SCARF2: variants seen among roughly 807,000 people sequenced by gnomAD.
The protein encoded by SCARF2 is scavenger receptor class F member 2.
In SCARF2, 39 loss-of-function variants were observed where a neutral mutation model predicts 73.4. That is an observed-to-expected ratio of 0.53 (90% CI 0.41 to 0.69). The LOEUF (loss-of-function observed/expected upper bound fraction) is 0.69. Ranked by LOEUF, SCARF2 falls within the 30% of genes least tolerant of loss-of-function variation. The pLI, the probability that SCARF2 is intolerant of heterozygous loss-of-function variation, is 0.00. For missense variants in SCARF2, 1,148 were observed against 1,303.5 expected (o/e 0.88, Z 1.84); for synonymous variants, 605 against 590.0 (o/e 1.03, Z -0.37).
Position 20,431,518 on chromosome 22 carries a change from C to T in SCARF2, c.354G>A (p.Trp118Ter). Residue 118 changes from tryptophan to a stop codon, truncating the protein, a stop_gained, in exon 4 of 11, where the codon TGG becomes TGA. Transcript: ENST00000622235. LOFTEE classifies it high-confidence loss of function. ...TACACAGCTCCTTGCAGTCGGGGCC[C>T]CAGAACTGGCGCGGGCACTCTGCAG... ...NCDTKCPRQF[W>*]GPDCKELCSC... 3 of 1,576,678 alleles carry T rather than the reference C, an allele frequency of 1.9e-6. No homozygotes were observed. The highest frequency in any genetic ancestry group is 2.6e-6 in the Non-Finnish European group (3 of 1,169,682).
rs2052644188 is a variant in SCARF2, at chr22:20,431,349, C to T, written c.523G>A (p.Gly175Ser). The T allele has an allele frequency of 1.3e-6, 2 of 1,511,640 alleles. No individual in the cohort carries two copies. The highest frequency in any genetic ancestry group is 4.2e-5 in the Admixed American group (2 of 47,816). 93.6% of individuals were successfully genotyped at this position (1,511,640 alleles called of 1,614,324 possible). Residue 175 changes from glycine (G) to serine (S), a missense_variant, in exon 4 of 11, where the codon GGC (glycine) becomes AGC (serine). By Grantham distance (56) the Gly-to-Ser change is moderately conservative. Coordinates refer to ENST00000622235, the MANE Select transcript of SCARF2 (RefSeq NM_182895.5). ...PRSGACRCEP[G>S]WWGAQCASAC... is the part of the protein sequence containing the mutation. ...CTGGCGCACTGCGCGCCCCACCAGCCGGGCTCACAGCGGCACGCGCCGCTC... is the reference window on the plus strand; with the variant it reads ...CTGGCGCACTGCGCGCCCCACCAGCTGGGCTCACAGCGGCACGCGCCGCTC...
At position 20,437,676 on chromosome 22, in the gene SCARF2, A is replaced by G; in HGVS notation, c.79T>C (p.Ser27Pro). Residue 27 changes from serine (S) to proline (P), a missense_variant, in exon 1 of 11, where the codon TCG becomes CCG. Ser to Pro is a moderately conservative substitution (Grantham distance 74). Coordinates refer to ENST00000622235, the MANE Select transcript of SCARF2 (RefSeq NM_182895.5). The stretch of plus-strand genomic sequence containing the variant: ...CAGAGCAGCAGCAGCAGCAGCAGCG[A>G]CGGCAGCAGCGGTGACGGCGGCCCC... ...AGGPPSPLLP[S>P]LLLLLLLWML... 2 of 1,503,028 alleles carry G rather than the reference A, an allele frequency of 1.3e-6. No homozygotes were observed. The highest frequency in any genetic ancestry group is 1.2e-5 in the South Asian group (1 of 80,892). The allele number at this position is 1,503,028 out of a possible 1,614,324, so 93.1% of individuals were successfully genotyped here. A position where few individuals can be genotyped will look rare whatever the true frequency, so the allele number is the denominator to read the frequency against.
At chr22:20,428,437 TG>T (rs2052604898) in intron 9 of SCARF2, among the ~76,000 whole-genome samples, 1 of 152,080 alleles carries the variant, frequency 6.6e-6, no homozygotes, top group African/African-American at 2.4e-5. Context: ...CCAGAGTAGC[TG>T]GGATTATAGG....
chr22:20,432,716 T>A (rs1416723154), intron 1 of SCARF2, among the ~76,000 whole-genome samples: 1 of 152,214 alleles, frequency 6.6e-6, no homozygotes, highest in Non-Finnish European at 1.5e-5. Context: ...AGCATCTGTT[T>A]ATGCCTTTGT....
rs2052613636 is a variant in SCARF2, at chr22:20,429,276, T to C, written c.1489A>G (p.Met497Val). 1.9e-6 allele frequency: 3 copies of C among 1,612,476 alleles called. No individual in the cohort carries two copies. In the South Asian group the frequency reaches 3.3e-5, roughly 18 times the overall value. The part of the protein sequence containing the change: ...RLCGRFSRIS[M>V]KLPRIPLRRQ... Reference sequence around the variant, plus strand: ...CGGAGCGGGATCCGGGGCAGCTTCATGCTGATGCGACTGAAGCGCCCGCAT... The same window carrying C: ...CGGAGCGGGATCCGGGGCAGCTTCACGCTGATGCGACTGAAGCGCCCGCAT... The change falls in exon 9 of 11, where the codon ATG becomes GTG. Residue 497 changes from methionine to valine, a missense_variant. Physicochemically the swap from Met to Val is conservative, Grantham distance 21. Transcript: ENST00000622235. The surrounding 1 kb of genome is among the most constrained non-coding windows in gnomAD (Gnocchi z 5.2).
At position 20,431,791 on chromosome 22, in the gene SCARF2, G is replaced by T. The variant is rs780208261; in HGVS notation, c.288C>A (p.Gly96=). 1.9e-6 allele frequency: 3 copies of T among 1,594,574 alleles called. No homozygotes were observed. The Admixed American group carries it at 5.2e-5, about 28-fold the overall frequency. ...AGTAGCCGTGGCGGCAGCGGCACTC[G>T]CCAGGCCTCACGCACACCTCGTTCT... is the stretch of plus-strand genomic sequence containing the variant. The part of the protein sequence containing the change: ...CSENEVCVRP[G]ECRCRHGYFG... Residue 96 remains glycine (G), a synonymous_variant, in exon 3 of 11, where the codon GGC becomes GGA. Coordinates refer to ENST00000622235, the MANE Select transcript of SCARF2 (RefSeq NM_182895.5).
In SCARF2 at chr22:20,431,739, G is replaced by A. The variant is rs1346735087; in HGVS notation, c.334+6C>T. 2.1e-6 allele frequency: 3 copies of A among 1,412,260 alleles called. No homozygotes were observed. Among genetic ancestry groups the A allele is most frequent in the Non-Finnish European group, 2.8e-6 (3 of 1,062,596 alleles). The allele number at this position is 1,412,260 out of a possible 1,614,324, so 87.5% of individuals were successfully genotyped here. On this transcript the variant is annotated splice_donor_region_variant and intron_variant, in intron 3 of 10. Transcript: ENST00000622235. ...CCGACCAATACCGGCCCGACCCCAC[G>A]CTCACTGGTGTCGCAGTTGGCACCG...
In SCARF2 at chr22:20,431,652, G is replaced by A. The variant is rs1052996718; in HGVS notation, c.334+93C>T. The A allele has an allele frequency of 1.0e-5, 16 of 1,536,462 alleles. No individual in the cohort carries two copies. The African/African-American group carries it at 2.2e-4, about 21-fold the overall frequency. The stretch of plus-strand genomic sequence containing the variant: ...GCCGCCACCTCTGGGGACCCGCCCC[G>A]AAGGCGGATCCGACCCCGCCCCACC... On this transcript the variant is annotated intron_variant, in intron 3 of 10. Transcript: ENST00000622235.
chr22:20,436,637 G>A (rs1362772851), intron 1 of SCARF2, among the ~76,000 whole-genome samples: 2 of 152,118 alleles, frequency 1.3e-5, no homozygotes, highest in African/African-American at 4.8e-5. Context: ...GCCCCGACGC[G>A]ACCCAGCTCG....
rs1248196411 is a variant in SCARF2 at position 20,425,334 on chromosome 22, T to C, written c.*41A>G. 4 of 1,341,496 alleles carry C rather than the reference T, an allele frequency of 3.0e-6. No homozygotes were observed. Among genetic ancestry groups the C allele is most frequent in the Non-Finnish European group, 3.8e-6 (4 of 1,039,602 alleles). The allele number at this position is 1,341,496 out of a possible 1,614,324, so 83.1% of individuals were successfully genotyped here. A position where few individuals can be genotyped will look rare whatever the true frequency, so the allele number is the denominator to read the frequency against. On this transcript the variant is annotated 3_prime_UTR_variant, in exon 11 of 11. Transcript: ENST00000622235. This position sits in a 1 kb window ranked among gnomAD's most constrained non-coding sequence, Gnocchi z 4.6. ...GGAGGTGTGGGGTGGCGGGCGGCGC[T>C]GCGAAGCTGAGGGAGCTGCGCGCGG...
chr22:20,431,361 G>C lies in SCARF2; in HGVS notation c.511C>G (p.Arg171Gly), dbSNP rs771262530. The change falls in exon 4 of 11, where the codon CGC becomes GGC. Residue 171 changes from arginine (R) to glycine (G), a missense_variant. Physicochemically the swap from Arg to Gly is moderately radical, Grantham distance 125. Transcript: ENST00000622235. ...GCGCCCCACCAGCCGGGCTCACAGC[G>C]GCACGCGCCGCTCCGCGGGTGGCAC... ...GTCHPRSGAC[R>G]CEPGWWGAQC... The C allele has an allele frequency of 5.3e-6, 8 of 1,516,580 alleles. No homozygotes were observed. Among genetic ancestry groups the C allele is most frequent in the Admixed American group, 2.0e-5 (1 of 48,814 alleles). 93.9% of individuals were successfully genotyped at this position (1,516,580 alleles called of 1,614,324 possible).
chr22:20,425,960 G>C lies in SCARF2; in HGVS notation c.2016C>G (p.His672Gln), dbSNP rs763225303. Residue 672 changes from histidine to glutamine, a missense_variant, in exon 11 of 11, where the codon CAC (histidine) becomes CAG (glutamine). Physicochemically the swap from His to Gln is conservative, Grantham distance 24. Around this residue, in one of 5 missense-constraint regions of SCARF2, gnomAD observed 437 missense variants for 433.6 expected, o/e 1.01. Coordinates refer to ENST00000622235, the MANE Select transcript of SCARF2 (RefSeq NM_182895.5). This position sits in a 1 kb window ranked among gnomAD's most constrained non-coding sequence, Gnocchi z 4.6. ...GCGCACGGCCAGCTGCAGCGGCGCT[G>C]TGCTTGCCGTGGATCCAGGACACCT... is the stretch of plus-strand genomic sequence containing the variant. ...KPKVSWIHGK[H>Q]SAAAAGRAPS... The C allele has an allele frequency of 8.2e-5, 130 of 1,594,406 alleles. No homozygotes were observed. The highest frequency in any genetic ancestry group is 1.1e-4 in the Non-Finnish European group (127 of 1,174,862).
In SCARF2 at chr22:20,425,833, G is replaced by A; in HGVS notation, c.2143C>T (p.Arg715Trp). 6.4e-7 allele frequency: 1 copy of A among 1,564,066 alleles called. No individual in the cohort carries two copies. The highest frequency in any genetic ancestry group is 1.4e-5 in the African/African-American group (1 of 70,740). Reference protein sequence around the residue: ...SAHTVEHGSPRTRDPTPRPPG... With the variant: ...SAHTVEHGSPWTRDPTPRPPG... ...GGCCGCGGCGTTGGGTCGCGGGTCC[G>A]GGGGCTGCCGTGTTCGACCGTATGC... The change falls in exon 11 of 11, where the codon CGG (arginine) becomes TGG (tryptophan). Residue 715 changes from arginine (R) to tryptophan (W), a missense_variant. Coordinates refer to ENST00000622235, the MANE Select transcript of SCARF2 (RefSeq NM_182895.5). The surrounding 1 kb of genome is among the most constrained non-coding windows in gnomAD (Gnocchi z 4.6).
chr22:20,428,743 C>A (rs1601297067), intron 9 of SCARF2, among the ~76,000 whole-genome samples: 2 of 152,120 alleles, frequency 1.3e-5, no homozygotes, highest in South Asian at 4.1e-4. Flanking sequence ...AAGCGGCACA[C>A]CCCACCCCCC....
rs377397672 is a variant in SCARF2 at position 20,429,871 on chromosome 22, C to G, written c.1203-38G>C. The stretch of plus-strand genomic sequence containing the variant: ...AGGGTCAAGGCATGCCACAGCCGCC[C>G]CCCTAGGATGCCCCCTACCCTCACC... On this transcript the variant is annotated intron_variant, in intron 6 of 10. Coordinates refer to ENST00000622235, the MANE Select transcript of SCARF2 (RefSeq NM_182895.5). This position sits in a 1 kb window ranked among gnomAD's most constrained non-coding sequence, Gnocchi z 5.2. The G allele has an allele frequency of 1.5e-5, 24 of 1,597,132 alleles. No homozygotes were observed. The East Asian group carries it at 5.4e-4, about 36-fold the overall frequency.
intron 10 of SCARF2, 29 bp downstream of exon 10, chr22:20,427,369 G>A: frequency 6.2e-7 from 1 of 1,613,050 alleles, no homozygotes; most frequent in Non-Finnish European, 8.5e-7. Context: ...CACTGGGCTG[G>A]AGTGATGCCC....
chr22:20,428,990 AC>A (rs2052610953), intron 9 of SCARF2, among the ~76,000 whole-genome samples: 1 of 152,028 alleles, frequency 6.6e-6, no homozygotes, highest in Non-Finnish European at 1.5e-5. Flanking sequence ...AACGTTTCTG[AC>A]ATATGCCCAC....
chr22:20,432,126 C>T lies in SCARF2; in HGVS notation c.174-138G>A. 3 of 890,326 alleles carry T rather than the reference C, an allele frequency of 3.4e-6. No individual in the cohort carries two copies. In the South Asian group the frequency reaches 4.2e-5, roughly 13 times the overall value. The allele number at this position is 890,326 out of a possible 1,614,324, so 55.2% of individuals were successfully genotyped here. ...TCCTAGGGGGGTGGTTAATGAGGTC[C>T]TGCCAGGCAGTCGTCTGGCGGTGGA... is the stretch of plus-strand genomic sequence containing the variant. On this transcript the variant is annotated intron_variant, in intron 1 of 10. Coordinates refer to ENST00000622235, the MANE Select transcript of SCARF2 (RefSeq NM_182895.5).
rs1379953879 is a variant in SCARF2, at chr22:20,437,721, C to A, written c.34G>T (p.Ala12Ser). 2.1e-5 allele frequency: 28 copies of A among 1,324,484 alleles called. No individual in the cohort carries two copies. The highest frequency in any genetic ancestry group is 5.7e-4 in the Middle Eastern group (2 of 3,500). 82.0% of individuals were successfully genotyped at this position (1,324,484 alleles called of 1,614,324 possible). ...GGCCCCCCGGCTCCCCGGCGCCGCG[C>A]CGGCCCGGCCCCCCGGGGCCCTGCG... The part of the protein sequence containing the change: ...EGAGPRGAGP[A>S]RRRGAGGPPS... Residue 12 changes from alanine to serine, a missense_variant, in exon 1 of 11, where the codon GCG becomes TCG. Coordinates refer to ENST00000622235, the MANE Select transcript of SCARF2 (RefSeq NM_182895.5).
Sources: gnomAD v4.1 joint callset for allele counts (sites outside exome capture counted in the v4.1 genomes callset) on GRCh38, gnomAD v4.1.1 for gene constraint, gnomAD v4.1.1 regional missense constraint, Gnocchi (gnomAD v3.1) non-coding constraint, MANE v1.5 for transcripts, NCBI Gene and HGNC (gene_info 2026-07-23, HGNC 2026-07-21) for gene names.